SPOCK1: variants seen among roughly 807,000 people sequenced by gnomAD.
SPOCK1 encodes the protein testican-1.
In SPOCK1, 23 loss-of-function variants were observed where a neutral mutation model predicts 55.3. The observed-to-expected ratio is 0.42, with a 90% CI of 0.30 to 0.59. The LOEUF is 0.59. Ranked by LOEUF, SPOCK1 falls within the 20% of genes least tolerant of loss-of-function variation. The pLI is 0.22. For synonymous variants in SPOCK1, 226 were observed against 221.0 expected (o/e 1.02, Z -0.20); for missense variants, 499 against 552.5 (o/e 0.90, Z 0.97).
At chr5:137,036,903 A>G (rs1218460061) in intron 6 of SPOCK1, among the ~76,000 whole-genome samples, 1 of 152,122 alleles carries the variant, frequency 6.6e-6, no homozygotes, top group Non-Finnish European at 1.5e-5. Flanking sequence ...GTTAGCAACA[A>G]TGAGTCCCAT....
chr5:137,284,070 T>C (rs1580846554), intron 2 of SPOCK1, among the ~76,000 whole-genome samples: 1 of 152,328 alleles, frequency 6.6e-6, no homozygotes, highest in East Asian at 1.9e-4. Context: ...GCACAATGAC[T>C]TTGCAAGGAT....
At chr5:137,178,562 A>C (rs887672477) in intron 3 of SPOCK1, among the ~76,000 whole-genome samples, 11 of 152,236 alleles carry the variant, frequency 7.2e-5, no homozygotes, top group African/African-American at 2.2e-4. Flanking sequence ...ATACCAGAGC[A>C]AGAAGTGAAC....
chr5:137,177,116 C>T (rs148774098), intron 3 of SPOCK1, among the ~76,000 whole-genome samples: 1 of 152,244 alleles, frequency 6.6e-6, no homozygotes, highest in Non-Finnish European at 1.5e-5. Flanking sequence ...ATACAGTATG[C>T]TCAGGGAAAA....
chr5:137,240,545 C>T (rs913940078), intron 3 of SPOCK1, among the ~76,000 whole-genome samples: 9 of 152,132 alleles, frequency 5.9e-5, no homozygotes, highest in Admixed American at 5.9e-4. Flanking sequence ...ATGCCACCTC[C>T]AACACTGAGG....
intron 2 of SPOCK1, among the ~76,000 whole-genome samples, chr5:137,407,886 C>G (rs1391403189): frequency 6.6e-6 from 1 of 152,156 alleles, no homozygotes; most frequent in Non-Finnish European, 1.5e-5. Context: ...ATTGACATCC[C>G]AGTCCTGCTT....
chr5:137,194,733 C>T (rs1755263629), intron 3 of SPOCK1, among the ~76,000 whole-genome samples: 1 of 152,162 alleles, frequency 6.6e-6, no homozygotes. Flanking sequence ...CACCCCGTGG[C>T]TCCACCCTCT....
At chr5:137,138,025 C>T (rs1034101380) in intron 4 of SPOCK1, among the ~76,000 whole-genome samples, 1 of 152,004 alleles carries the variant, frequency 6.6e-6, no homozygotes, top group African/African-American at 2.4e-5. Flanking sequence ...TCCATAAACC[C>T]TCCCTGTAAG....
At chr5:137,040,552 C>G (rs145714453) in intron 6 of SPOCK1, among the ~76,000 whole-genome samples, 1 of 152,238 alleles carries the variant, frequency 6.6e-6, no homozygotes, top group Non-Finnish European at 1.5e-5. Context: ...TGCCATATGA[C>G]AGACCATAGA....
chr5:137,237,614 CT>C (rs1756204548), intron 3 of SPOCK1, among the ~76,000 whole-genome samples: 1 of 152,224 alleles, frequency 6.6e-6, no homozygotes, highest in Non-Finnish European at 1.5e-5. Context: ...AATAATTAGC[CT>C]TTATTTCTGG....
At position 137,018,713 on chromosome 5, in the gene SPOCK1, G is replaced by T. The variant is rs11957332; in HGVS notation, c.590-26113C>A. On this transcript the variant is annotated intron_variant, in intron 6 of 10. Coordinates refer to ENST00000394945, the MANE Select transcript of SPOCK1 (RefSeq NM_004598.4). ...ACAAATGCATATTAGGATTTTTTTT[G>T]AGTATATATTTTACCTTGCCTGTAA... Among the ~76,000 whole-genome samples the T allele has an allele frequency of 7.3e-3, 1,102 of 151,590 alleles. 8 individuals carry two copies. Among genetic ancestry groups the T allele is most frequent in the African/African-American group, 0.025 (1,050 of 41,342 alleles).
chr5:137,057,646 C>G (rs1462681081), intron 6 of SPOCK1, among the ~76,000 whole-genome samples: 7 of 152,202 alleles, frequency 4.6e-5, no homozygotes, highest in African/African-American at 1.7e-4. Flanking sequence ...CCACACCTTT[C>G]TTTGCTCTCT....
chr5:137,445,059 G>C (rs1312100208), intron 2 of SPOCK1, among the ~76,000 whole-genome samples: 1 of 152,158 alleles, frequency 6.6e-6, no homozygotes, highest in African/African-American at 2.4e-5. Context: ...ACTACAAATG[G>C]TGGAGAACGA....
At chr5:137,362,686 G>T (rs13154583) in intron 2 of SPOCK1, among the ~76,000 whole-genome samples, 12 of 152,078 alleles carry the variant, frequency 7.9e-5, no homozygotes, top group Admixed American at 3.3e-4. Flanking sequence ...TGAGCCATAT[G>T]ACCTCTCCTC....
Position 137,498,361 on chromosome 5 carries a change from G to C in SPOCK1, c.186+12C>G, listed in dbSNP as rs376267698. ...TCCGCGCCCCCCAGGGCCGGGTGGC[G>C]CCGGTACTCACGTCTCGAAAGCGGT... On this transcript the variant is annotated intron_variant, in intron 2 of 10. Coordinates refer to ENST00000394945, the MANE Select transcript of SPOCK1 (RefSeq NM_004598.4). The C allele has an allele frequency of 7.2e-5, 113 of 1,577,604 alleles. No individual in the cohort carries two copies. The highest frequency in any genetic ancestry group is 8.9e-5 in the Non-Finnish European group (103 of 1,162,498).
At chr5:137,265,013 G>T (rs1178849356) in intron 3 of SPOCK1, among the ~76,000 whole-genome samples, 1 of 152,156 alleles carries the variant, frequency 6.6e-6, no homozygotes, top group African/African-American at 2.4e-5. Flanking sequence ...AGCAGACCCA[G>T]TTTTCAAGCC....
intron 6 of SPOCK1, among the ~76,000 whole-genome samples, chr5:137,067,010 A>AGAGAGAG (rs1561596971): frequency 1.3e-5 from 2 of 151,324 alleles, no homozygotes; most frequent in Non-Finnish European, 3.0e-5. Context: ...AGAGAGAGAG[A>AGAGAGAG]AATGCAACAA....
intron 2 of SPOCK1, among the ~76,000 whole-genome samples, chr5:137,319,971 A>AAAC (rs1441046510): frequency 3.3e-5 from 5 of 151,032 alleles, no homozygotes; most frequent in African/African-American, 9.8e-5. Context: ...AAAAAAAAAA[A>AAAC]AACAACACAT....
At chr5:137,030,003 A>G (rs1389056174) in intron 6 of SPOCK1, among the ~76,000 whole-genome samples, 3 of 152,228 alleles carry the variant, frequency 2.0e-5, no homozygotes, top group Non-Finnish European at 4.4e-5. Flanking sequence ...CTGCTATTTC[A>G]TGAAAGCATG....
At chr5:137,464,627 C>G (rs1452458232) in intron 2 of SPOCK1, among the ~76,000 whole-genome samples, 1 of 151,872 alleles carries the variant, frequency 6.6e-6, no homozygotes, top group East Asian at 1.9e-4. Flanking sequence ...GCCTGCCAGT[C>G]TAGGTGACAG....
Sources: gnomAD v4.1 joint callset for allele counts (sites outside exome capture counted in the v4.1 genomes callset) on GRCh38, gnomAD v4.1.1 for gene constraint, MANE v1.5 for transcripts, NCBI Gene and HGNC (gene_info 2026-07-23, HGNC 2026-07-21) for gene names.